The following MAGI2 variants were observed in gnomAD, a reference collection of about 807,000 sequenced individuals.
MAGI2 encodes the protein membrane-associated guanylate kinase, WW and PDZ domain-containing protein 2.
MAGI2 carries 35 observed loss-of-function variants against 133.3 expected under a neutral mutation model. That is an observed-to-expected ratio of 0.26 (90% CI 0.20 to 0.35). The LOEUF is 0.35. Among genes scored for constraint, MAGI2 ranks in the 10% least tolerant of loss-of-function variants. The pLI is 1.00. For missense variants in MAGI2, 1,636 were observed against 1,863.4 expected (o/e 0.88, Z 2.25); for synonymous variants, 729 against 710.6 (o/e 1.03, Z -0.41).
chr7:78,165,028 T>C (rs1359166841), intron 15 of MAGI2, among the ~76,000 whole-genome samples: 1 of 152,266 alleles, frequency 6.6e-6, no homozygotes, highest in Non-Finnish European at 1.5e-5. Context: ...GTGCTATGAC[T>C]ATTTGGTAAA....
chr7:78,376,701 G>T (rs1282001925), intron 6 of MAGI2, among the ~76,000 whole-genome samples: 1 of 152,036 alleles, frequency 6.6e-6, no homozygotes, highest in African/African-American at 2.4e-5. Flanking sequence ...TGGGGATTCA[G>T]AATACTATCT....
At chr7:78,386,398 C>T (rs996948697) in intron 6 of MAGI2, among the ~76,000 whole-genome samples, 1 of 152,098 alleles carries the variant, frequency 6.6e-6, no homozygotes, top group Non-Finnish European at 1.5e-5. Flanking sequence ...AGTGAATCTG[C>T]AAAATATAAA....
chr7:78,222,987 G>A (rs1788982169), intron 10 of MAGI2, among the ~76,000 whole-genome samples: 1 of 152,098 alleles, frequency 6.6e-6, no homozygotes, highest in Non-Finnish European at 1.5e-5. Context: ...AAGAAAAATT[G>A]TCTCCCTCAT....
intron 6 of MAGI2, among the ~76,000 whole-genome samples, chr7:78,443,135 C>T (rs541275290): frequency 6.6e-6 from 1 of 152,072 alleles, no homozygotes; most frequent in African/African-American, 2.4e-5. Flanking sequence ...AACTACTAAG[C>T]AGAGCCATAT....
chr7:78,409,614 C>A (rs1797690625), intron 6 of MAGI2, among the ~76,000 whole-genome samples: 1 of 152,080 alleles, frequency 6.6e-6, no homozygotes, highest in African/African-American at 2.4e-5. Context: ...TCCTTTGGTA[C>A]ATTCTTTTAA....
chr7:78,501,763 C>T lies in MAGI2; in HGVS notation c.779G>A (p.Ser260Asn). The change falls in exon 5 of 22, where the codon AGT becomes AAT. Residue 260 changes from serine to asparagine, a missense_variant. Physicochemically the swap from Ser to Asn is conservative, Grantham distance 46. Around this residue, in one of 5 missense-constraint regions of MAGI2, gnomAD observed 165 missense variants for 128.4 expected, o/e 1.28. Transcript: ENST00000354212. Reference sequence around the variant, plus strand: ...GGGCATCTCCCCTGAGGCACCTGCACTTTTGTCTTCATGTTCACTGGATTC... The same window carrying T: ...GGGCATCTCCCCTGAGGCACCTGCATTTTTGTCTTCATGTTCACTGGATTC... ...TPESSEHEDK[S>N]AGASGEMPSQ... 1 of 1,613,782 alleles carries T rather than the reference C, an allele frequency of 6.2e-7. No individual in the cohort carries two copies. The highest frequency in any genetic ancestry group is 8.5e-7 in the Non-Finnish European group (1 of 1,179,992).
At chr7:78,721,338 C>T (rs1403602830) in intron 2 of MAGI2, among the ~76,000 whole-genome samples, 1 of 151,924 alleles carries the variant, frequency 6.6e-6, no homozygotes, top group Non-Finnish European at 1.5e-5. Context: ...ATATAGTTAG[C>T]TATCACAGAG....
chr7:79,354,239 C>T (rs1841870922), intron 1 of MAGI2: 3 of 152,262 alleles, frequency 2.0e-5, no homozygotes, highest in Admixed American at 6.5e-5. Flanking sequence ...AGCTCCCTGC[C>T]AACACCCAGA....
In MAGI2 at chr7:78,434,074, C is replaced by T. The variant is rs551705343; in HGVS notation, c.1045+55687G>A. Among the ~76,000 whole-genome samples the T allele has an allele frequency of 2.1e-4, 32 of 152,244 alleles. No individual in the cohort carries two copies. In the East Asian group the frequency reaches 5.4e-3, roughly 26 times the overall value. ...TTTTTGCTTCAGTTGTTTCCACATG[C>T]TCTCTTTTTTTCAGATATAGATTCT... On this transcript the variant is annotated intron_variant, in intron 6 of 21. Coordinates refer to ENST00000354212, the MANE Select transcript of MAGI2 (RefSeq NM_012301.4).
chr7:78,180,244 A>G (rs2150689181), intron 13 of MAGI2, among the ~76,000 whole-genome samples: 1 of 152,330 alleles, frequency 6.6e-6, no homozygotes, highest in South Asian at 2.1e-4. Flanking sequence ...TTGCATCACC[A>G]CTGAATATGC....
intron 2 of MAGI2, among the ~76,000 whole-genome samples, chr7:78,649,891 T>C (rs1811363317): frequency 1.3e-5 from 2 of 152,162 alleles, no homozygotes; most frequent in Admixed American, 1.3e-4. Flanking sequence ...TGAGAAAATA[T>C]TTTTAAATGC....
At chr7:78,223,944 T>G (rs1230349122) in intron 10 of MAGI2, among the ~76,000 whole-genome samples, 1 of 152,194 alleles carries the variant, frequency 6.6e-6, no homozygotes, top group Non-Finnish European at 1.5e-5. Flanking sequence ...GCTCCATGTT[T>G]AAGCTTACCG....
intron 6 of MAGI2, among the ~76,000 whole-genome samples, chr7:78,381,440 C>CA (rs376019036): frequency 3.1e-4 from 47 of 152,226 alleles, no homozygotes; most frequent in African/African-American, 1.1e-3. Flanking sequence ...TACTCTGATT[C>CA]AAGCTCGACA....
chr7:79,443,282 G>GCA (rs375673608), intron 1 of MAGI2, among the ~76,000 whole-genome samples: 4 of 43,780 alleles, frequency 9.1e-5, no homozygotes, highest in African/African-American at 1.7e-4. Context: ...GTGTGTGTGT[G>GCA]TGCGTGTGTG....
chr7:78,778,012 G>T (rs1419253113), intron 2 of MAGI2, among the ~76,000 whole-genome samples: 2 of 152,160 alleles, frequency 1.3e-5, no homozygotes, highest in African/African-American at 4.8e-5. Flanking sequence ...CAGCGATCAT[G>T]AATAAATTCC....
At chr7:79,265,745 G>C (rs569148790) in intron 1 of MAGI2, among the ~76,000 whole-genome samples, 2 of 152,066 alleles carry the variant, frequency 1.3e-5, no homozygotes, top group Middle Eastern at 3.4e-3. Context: ...GTGAATTATT[G>C]GGCACTGGGT....
chr7:78,486,698 A>G, intron 6 of MAGI2: 1 of 396,406 alleles, frequency 2.5e-6, no homozygotes, highest in Admixed American at 2.9e-5. Flanking sequence ...TTCCAACTGG[A>G]GTCCAGCAAG....
chr7:79,402,765 C>T lies in MAGI2; in HGVS notation c.301+50255G>A, dbSNP rs534504620. On this transcript the variant is annotated intron_variant, in intron 1 of 21. Coordinates refer to ENST00000354212, the MANE Select transcript of MAGI2 (RefSeq NM_012301.4). ...TTGCTTGAGCCCAGGAGTTCAAGAC[C>T]GGCCTGGGCAACATAGCAAGACCCC... is the stretch of plus-strand genomic sequence containing the variant. 4.2e-4 allele frequency among the ~76,000 whole-genome samples: 64 copies of T among 152,170 alleles called. 2 individuals carry two copies. In the South Asian group the frequency reaches 9.6e-3, roughly 23 times the overall value.
chr7:78,305,526 C>T (rs769064159), intron 9 of MAGI2, among the ~76,000 whole-genome samples: 2 of 152,124 alleles, frequency 1.3e-5, no homozygotes, highest in African/African-American at 4.8e-5. Context: ...ATACTCAATA[C>T]AGATTGCTAC....
Sources: gnomAD v4.1 joint callset for allele counts (sites outside exome capture counted in the v4.1 genomes callset) on GRCh38, gnomAD v4.1.1 for gene constraint, gnomAD v4.1.1 regional missense constraint, MANE v1.5 for transcripts, NCBI Gene and HGNC (gene_info 2026-07-23, HGNC 2026-07-21) for gene names.